The following GOLGA8A variants were observed in gnomAD, a reference collection of about 807,000 sequenced individuals.
The protein encoded by GOLGA8A is golgin subfamily A member 8A.
Under a neutral mutation model 22.1 loss-of-function variants are expected in GOLGA8A, and 3 were observed. The observed-to-expected ratio is 0.14, with a 90% confidence interval of 0.06 to 0.35. The LOEUF (loss-of-function observed/expected upper bound fraction) is 0.35. GOLGA8A is among the 10% of genes least tolerant of loss of function. GOLGA8A has a pLI of 1.00. For synonymous variants in GOLGA8A, 7 were observed against 91.7 expected (o/e 0.08, Z 5.28); for missense variants, 16 against 233.2 (o/e 0.07, Z 6.07).
intron 2 of GOLGA8A, among the ~76,000 whole-genome samples, chr15:34,428,370 C>T (rs1171874793): frequency 6.7e-6 from 1 of 148,490 alleles, no homozygotes; most frequent in Admixed American, 6.8e-5. Context: ...GCTGGGATTA[C>T]AGCATGAACC....
intron 8 of GOLGA8A, among the ~76,000 whole-genome samples, chr15:34,393,495 C>A (rs1230095336): frequency 6.1e-5 from 7 of 114,678 alleles, no homozygotes; most frequent in Admixed American, 6.0e-4. Context: ...TGTCATAAAC[C>A]CTTTTCATTA....
Position 34,433,443 on chromosome 15 carries a change from G to A in GOLGA8A, c.-1123+1940C>T, listed in dbSNP as rs777544961. On this transcript the variant is annotated intron_variant, in intron 2 of 24. Coordinates refer to ENST00000359187, the MANE Select transcript of GOLGA8A (RefSeq NM_181077.5). Reference sequence around the variant, plus strand: ...ATCCAAAAAGGAATCTCAGTGCACAGTAAGAAAGCTCATTCTTTGGGCTGG... The same window carrying A: ...ATCCAAAAAGGAATCTCAGTGCACAATAAGAAAGCTCATTCTTTGGGCTGG... Among the ~76,000 whole-genome samples, 31 of 149,336 alleles carry A rather than the reference G, an allele frequency of 2.1e-4. 1 individual carries two copies. Among genetic ancestry groups the A allele is most frequent in the African/African-American group, 2.5e-4 (10 of 40,410 alleles).
chr15:34,434,454 C>T (rs922823257), intron 2 of GOLGA8A, among the ~76,000 whole-genome samples: 6 of 149,256 alleles, frequency 4.0e-5, no homozygotes, highest in African/African-American at 1.5e-4. Context: ...ACTCCCGGGC[C>T]TCCCTTGTGT....
intron 2 of GOLGA8A, chr15:34,416,388 T>C (rs1374804318): frequency 6.8e-6 from 1 of 147,220 alleles, no homozygotes; most frequent in Non-Finnish European, 1.5e-5. Context: ...TAGTTTATTT[T>C]GGTCTTAGTT....
chr15:34,415,840 GAC>G (rs1259732109), intron 2 of GOLGA8A: 1 of 67,500 alleles, frequency 1.5e-5, no homozygotes, highest in Non-Finnish European at 2.9e-5. Flanking sequence ...TGTGCAGTTA[GAC>G]AGTGTCAGGG....
chr15:34,430,943 G>C (rs1893201207), intron 2 of GOLGA8A, among the ~76,000 whole-genome samples: 1 of 149,164 alleles, frequency 6.7e-6, no homozygotes, highest in Non-Finnish European at 1.5e-5. Context: ...GCTGCCACCA[G>C]CTCCGGATAA....
rs1219468453 is a variant in GOLGA8A, at chr15:34,379,265, T to C, written c.*2146A>G. ...TTGGCATTTCTTTCTCTACTTTTCC[T>C]TCCCACCATTTCTTCCTTTTAAACT... is the stretch of plus-strand genomic sequence containing the variant. On this transcript the variant is annotated 3_prime_UTR_variant, in exon 25 of 25. Transcript: ENST00000359187. 6.5e-6 allele frequency: 1 copy of C among 152,674 alleles called. No homozygotes were observed. The highest frequency in any genetic ancestry group is 6.5e-5 in the Admixed American group (1 of 15,290). 9.5% of individuals were successfully genotyped at this position (152,674 alleles called of 1,614,324 possible).
At chr15:34,420,718 G>C (rs1892763631) in intron 2 of GOLGA8A, among the ~76,000 whole-genome samples, 1 of 126,494 alleles carries the variant, frequency 7.9e-6, no homozygotes, top group South Asian at 2.7e-4. Flanking sequence ...CCTGAGGAAA[G>C]GCAGACTTCA....
intron 2 of GOLGA8A, among the ~76,000 whole-genome samples, chr15:34,423,733 C>T (rs1409014294): frequency 6.7e-6 from 1 of 149,160 alleles, no homozygotes; most frequent in Admixed American, 6.8e-5. Flanking sequence ...CCTCCTGGCA[C>T]AGTCAGGGTG....
At chr15:34,412,326 TGAA>T (rs1189559531) in intron 2 of GOLGA8A, among the ~76,000 whole-genome samples, 1 of 107,262 alleles carries the variant, frequency 9.3e-6, no homozygotes, top group Admixed American at 1.1e-4. Flanking sequence ...CACTCAGCCT[TGAA>T]GAGACACTGG....
At chr15:34,433,754 G>A (rs1238865397) in intron 2 of GOLGA8A, among the ~76,000 whole-genome samples, 1 of 149,678 alleles carries the variant, frequency 6.7e-6, no homozygotes, top group Non-Finnish European at 1.5e-5. Context: ...AGCTACTGGG[G>A]ATCCAGAGGT....
At chr15:34,425,860 C>T (rs114379992) in intron 2 of GOLGA8A, among the ~76,000 whole-genome samples, 1 of 145,130 alleles carries the variant, frequency 6.9e-6, no homozygotes, top group Non-Finnish European at 1.5e-5. Flanking sequence ...TTTTTACAAA[C>T]ACAAAATGAA....
At chr15:34,425,798 G>T (rs1432660563) in intron 2 of GOLGA8A, among the ~76,000 whole-genome samples, 1 of 146,676 alleles carries the variant, frequency 6.8e-6, no homozygotes, top group Non-Finnish European at 1.5e-5. Context: ...ATTAGAAAGA[G>T]AAATTCAAAT....
In GOLGA8A at chr15:34,437,026, C is replaced by T. The variant is rs1249997400; in HGVS notation, c.-1212+372G>A. Among the ~76,000 whole-genome samples the T allele has an allele frequency of 2.0e-5, 3 of 149,066 alleles. 1 individual carries two copies. The highest frequency in any genetic ancestry group is 6.7e-5 in the Admixed American group (1 of 14,878). On this transcript the variant is annotated intron_variant, in intron 1 of 24. Coordinates refer to ENST00000359187, the MANE Select transcript of GOLGA8A (RefSeq NM_181077.5). ...CAAGCCGGGCAGCGGAACGCACCAG[C>T]GGCCCGACCAGCCCGGCGAGACGCG... is the stretch of plus-strand genomic sequence containing the variant.
At chr15:34,426,032 G>A (rs1449353366) in intron 2 of GOLGA8A, among the ~76,000 whole-genome samples, 1 of 145,686 alleles carries the variant, frequency 6.9e-6, no homozygotes, top group Admixed American at 7.1e-5. Flanking sequence ...CCTGTCAAGA[G>A]AGCAATCTGG....
rs980543488 is a variant in GOLGA8A, at chr15:34,379,967, G to T, written c.*1444C>A. The T allele has an allele frequency of 6.6e-6, 1 of 152,600 alleles. No individual in the cohort carries two copies. Among genetic ancestry groups the T allele is most frequent in the African/African-American group, 2.4e-5 (1 of 41,438 alleles). The allele number at this position is 152,600 out of a possible 1,614,324, so 9.5% of individuals were successfully genotyped here. A position where few individuals can be genotyped will look rare whatever the true frequency, so the allele number is the denominator to read the frequency against. On this transcript the variant is annotated 3_prime_UTR_variant, in exon 25 of 25. Coordinates refer to ENST00000359187, the MANE Select transcript of GOLGA8A (RefSeq NM_181077.5). ...TGTGAGGAAATACAACTCTGCGATC[G>T]TATAGACATGTTTCCTGATAATACA...
chr15:34,431,409 C>T (rs75050995), intron 2 of GOLGA8A, among the ~76,000 whole-genome samples: 13,866 of 144,710 alleles, frequency 0.096, 1,747 homozygotes, highest in South Asian at 0.25. Flanking sequence ...ATATCACACA[C>T]ACACTCATGC....
rs1043430091 is a variant in GOLGA8A at position 34,433,783 on chromosome 15, T to C, written c.-1123+1600A>G. Reference sequence around the variant, plus strand: ...CAGAGGTGAACAAAGTCTTTTACAATTGAGTGGTAAGAGACTGACAATAAA... The same window carrying C: ...CAGAGGTGAACAAAGTCTTTTACAACTGAGTGGTAAGAGACTGACAATAAA... On this transcript the variant is annotated intron_variant, in intron 2 of 24. Transcript: ENST00000359187. Among the ~76,000 whole-genome samples the C allele has an allele frequency of 3.3e-5, 5 of 149,548 alleles. 1 individual carries two copies. The highest frequency in any genetic ancestry group is 2.0e-4 in the East Asian group (1 of 5,112).
intron 2 of GOLGA8A, among the ~76,000 whole-genome samples, chr15:34,433,412 C>T (rs60485218): frequency 0.08 from 11,902 of 149,104 alleles, 1,378 homozygotes; most frequent in East Asian, 0.16. Context: ...ACCCAAACAA[C>T]TGAAAATCCA....
Sources: gnomAD v4.1 joint callset for allele counts (sites outside exome capture counted in the v4.1 genomes callset) on GRCh38, gnomAD v4.1.1 for gene constraint, MANE v1.5 for transcripts, NCBI Gene and HGNC (gene_info 2026-07-23, HGNC 2026-07-21) for gene names.